The following ORC2 variants were observed in gnomAD, a reference collection of about 807,000 sequenced individuals.
ORC2 encodes the protein origin recognition complex subunit 2.
ORC2 carries 37 observed loss-of-function variants against 77.7 expected under a neutral mutation model. The observed-to-expected ratio is 0.48, with a 90% confidence interval of 0.37 to 0.63. The LOEUF (loss-of-function observed/expected upper bound fraction) is 0.63. ORC2 is among the 20% of genes least tolerant of loss of function. The probability of loss-of-function intolerance (pLI) is 0.00; values close to 1 mark genes in which losing one functional copy is unlikely to be tolerated. For missense variants in ORC2, 557 were observed against 661.9 expected (o/e 0.84, Z 1.74); for synonymous variants, 201 against 229.5 (o/e 0.88, Z 1.12).
chr2:200,923,849 T>C (rs969603512), intron 13 of ORC2, among the ~76,000 whole-genome samples: 5 of 152,190 alleles, frequency 3.3e-5, no homozygotes, highest in African/African-American at 1.2e-4. Flanking sequence ...AGGCAAAGCA[T>C]TGCCTTGTTT....
At chr2:200,957,981 C>T in intron 3 of ORC2, 49 bp downstream of exon 3, 1 of 1,137,806 alleles carries the variant, frequency 8.8e-7, no homozygotes, top group Non-Finnish European at 1.3e-6. Flanking sequence ...TGAAATAATC[C>T]ATAAACATTA....
At chr2:200,911,450 G>A in intron 17 of ORC2, 63 bp from the exon 18 acceptor site, 1 of 868,710 alleles carries the variant, frequency 1.2e-6, no homozygotes, top group South Asian at 1.6e-5. Context: ...CTCTTCTATT[G>A]TAGAGGCTAA....
chr2:200,912,243 A>C (rs1447880376), intron 17 of ORC2, among the ~76,000 whole-genome samples: 1 of 152,192 alleles, frequency 6.6e-6, no homozygotes, highest in South Asian at 2.1e-4. Flanking sequence ...TATAAGAATC[A>C]TAATCTTCTC....
intron 13 of ORC2, among the ~76,000 whole-genome samples, chr2:200,922,172 T>TG (rs886668130): frequency 2.7e-5 from 4 of 149,432 alleles, no homozygotes; most frequent in African/African-American, 9.8e-5. Context: ...GTTAGGATAC[T>TG]GCTCAAGGCA....
At chr2:200,952,657 G>A (rs1000355414) in intron 4 of ORC2, among the ~76,000 whole-genome samples, 3 of 152,020 alleles carry the variant, frequency 2.0e-5, no homozygotes, top group African/African-American at 7.2e-5. Flanking sequence ...AGGTGAGAAT[G>A]AGAAACTGTA....
Position 200,909,982 on chromosome 2 carries a change from T to C in ORC2, c.*1319A>G, listed in dbSNP as rs374210531. The C allele has an allele frequency of 6.6e-6, 1 of 152,142 alleles. No homozygotes were observed. The highest frequency in any genetic ancestry group is 2.4e-5 in the African/African-American group (1 of 41,436). The allele number at this position is 152,142 out of a possible 1,614,324, so 9.4% of individuals were successfully genotyped here. ...CTCACTATGTTGCCCAGGCTGTTCT[T>C]AAACTCCTGGGCTCCAGAGATCCTC... On this transcript the variant is annotated 3_prime_UTR_variant, in exon 18 of 18. Coordinates refer to ENST00000234296, the MANE Select transcript of ORC2 (RefSeq NM_006190.5).
chr2:200,963,505 T>G lies in ORC2; in HGVS notation c.-75A>C, dbSNP rs2041622183. 6 of 398,518 alleles carry G rather than the reference T, an allele frequency of 1.5e-5. No homozygotes were observed. In the Middle Eastern group the frequency reaches 1.9e-3, roughly 124 times the overall value. 24.7% of individuals were successfully genotyped at this position (398,518 alleles called of 1,614,324 possible). A position where few individuals can be genotyped will look rare whatever the true frequency, so the allele number is the denominator to read the frequency against. ...CACTACTCACCGCTAGGTTTCCGTC[T>G]GGCGCCGATCCGGCTGCGTCACGCC... On this transcript the variant is annotated 5_prime_UTR_variant, in exon 1 of 18. Transcript: ENST00000234296.
intron 1 of ORC2, 178 bp downstream of exon 1, chr2:200,963,312 C>CGG (rs1207483482): frequency 2.5e-6 from 1 of 396,682 alleles, no homozygotes; most frequent in African/African-American, 2.1e-5. Flanking sequence ...GGGCAGCCTG[C>CGG]GGGGGGCAGC....
intron 16 of ORC2, 77 bp from the exon 17 acceptor site, chr2:200,913,490 A>C (rs1442950191): frequency 6.8e-7 from 1 of 1,465,962 alleles, no homozygotes; most frequent in African/African-American, 1.4e-5. Context: ...ATACAAAAGA[A>C]CAGAATAAAA....
chr2:200,924,004 T>G (rs1374720329), intron 13 of ORC2, among the ~76,000 whole-genome samples: 3 of 152,172 alleles, frequency 2.0e-5, no homozygotes, highest in African/African-American at 7.2e-5. Context: ...TTATAGAATT[T>G]GTGAATAATG....
intron 11 of ORC2, among the ~76,000 whole-genome samples, chr2:200,929,909 T>A (rs2040910163): frequency 6.6e-6 from 1 of 152,170 alleles, no homozygotes; most frequent in East Asian, 1.9e-4. Context: ...AACAGTGGAT[T>A]TCAGATGAGT....
At chr2:200,915,003 CTTTTTTTTTTTTTT>C (rs1158807101) in intron 15 of ORC2, among the ~76,000 whole-genome samples, 1,100 of 65,352 alleles carry the variant, frequency 0.017, 21 homozygotes, top group African/African-American at 0.064. Flanking sequence ...CTTCCCACGT[CTTTTTTTTTTTTTT>C]TTTTTTTTTT....
At chr2:200,938,912 G>A (rs2041098308) in intron 7 of ORC2, among the ~76,000 whole-genome samples, 1 of 151,986 alleles carries the variant, frequency 6.6e-6, no homozygotes, top group Non-Finnish European at 1.5e-5. Context: ...GCTGGTGCAT[G>A]CCTGTAATCC....
At chr2:200,933,213 A>G (rs925590287) in intron 10 of ORC2, among the ~76,000 whole-genome samples, 5 of 151,756 alleles carry the variant, frequency 3.3e-5, no homozygotes, top group Non-Finnish European at 5.9e-5. Context: ...CCCAGCAAGT[A>G]TAACTGTATG....
intron 5 of ORC2, among the ~76,000 whole-genome samples, chr2:200,943,541 C>T (rs919840427): frequency 1.3e-5 from 2 of 152,182 alleles, no homozygotes; most frequent in Non-Finnish European, 2.9e-5. Context: ...CAAGTTAACT[C>T]TCACACTGGG....
chr2:200,918,735 C>T (rs146514782), intron 15 of ORC2, among the ~76,000 whole-genome samples: 2,809 of 152,228 alleles, frequency 0.018, 28 homozygotes, highest in Middle Eastern at 0.034. Flanking sequence ...GTGATCCACC[C>T]GCTTCGGCCT....
At chr2:200,925,460 C>T (rs2040825301) in intron 13 of ORC2, among the ~76,000 whole-genome samples, 1 of 152,250 alleles carries the variant, frequency 6.6e-6, no homozygotes, top group Middle Eastern at 3.4e-3. Context: ...TCTTTTTGGG[C>T]CAGGTGTGGT....
intron 1 of ORC2, among the ~76,000 whole-genome samples, chr2:200,962,628 C>A (rs567431838): frequency 1.3e-5 from 2 of 152,304 alleles, no homozygotes; most frequent in South Asian, 4.1e-4. Flanking sequence ...CTCCTTACTG[C>A]AGTGCACTGA....
At chr2:200,957,280 T>G (rs568419992) in intron 4 of ORC2, 121 bp downstream of exon 4, 1 of 648,512 alleles carries the variant, frequency 1.5e-6, no homozygotes, top group East Asian at 3.0e-5. Flanking sequence ...AAATGCTTTT[T>G]AGATGAGAAA....
Sources: gnomAD v4.1 joint callset for allele counts (sites outside exome capture counted in the v4.1 genomes callset) on GRCh38, gnomAD v4.1.1 for gene constraint, MANE v1.5 for transcripts, NCBI Gene and HGNC (gene_info 2026-07-23, HGNC 2026-07-21) for gene names.